Variants in RNF216 observed in about 807,000 individuals in gnomAD.
The protein encoded by RNF216 is ring finger protein 216.
A neutral mutation model predicts 110.8 loss-of-function variants in RNF216; 72 were observed. That is an observed-to-expected ratio of 0.65 (90% CI 0.54 to 0.79). RNF216 has a LOEUF of 0.79. RNF216 is among the 30% of genes least tolerant of loss of function. RNF216 has a pLI of 0.00. For missense variants in RNF216, 1,342 were observed against 1,141.2 expected (o/e 1.18, Z -2.54); for synonymous variants, 495 against 407.5 (o/e 1.21, Z -2.59).
chr7:5,759,100 A>G (rs899309454), intron 2 of RNF216, among the ~76,000 whole-genome samples: 2 of 152,104 alleles, frequency 1.3e-5, no homozygotes, highest in African/African-American at 4.8e-5. Flanking sequence ...CTGGTTGTTT[A>G]AAAGTGTGTG....
chr7:5,749,267 C>A (rs1400698560), intron 3 of RNF216, among the ~76,000 whole-genome samples: 1 of 151,572 alleles, frequency 6.6e-6, no homozygotes, highest in Admixed American at 6.6e-5. Context: ...TCTACTGCCT[C>A]AGCCTCCTGA....
rs1006700199 is a variant in RNF216, at chr7:5,680,629, C to T, written c.2062-28119G>A. Reference sequence around the variant, plus strand: ...ATGTTGGCCAGGATGGTCTCGATCTCCTGACCTTGTGATCTGCCCGACTCG... The same window carrying T: ...ATGTTGGCCAGGATGGTCTCGATCTTCTGACCTTGTGATCTGCCCGACTCG... On this transcript the variant is annotated intron_variant, in intron 13 of 16. Transcript: ENST00000389902. The surrounding 1 kb of genome is among the most constrained non-coding windows in gnomAD (Gnocchi z 4.3). Among the ~76,000 whole-genome samples, 7 of 152,064 alleles carry T rather than the reference C, an allele frequency of 4.6e-5. No individual in the cohort carries two copies. Among genetic ancestry groups the T allele is most frequent in the African/African-American group, 1.7e-4 (7 of 41,390 alleles).
At chr7:5,714,282 G>T (rs1792903956) in intron 11 of RNF216, among the ~76,000 whole-genome samples, 1 of 148,816 alleles carries the variant, frequency 6.7e-6, no homozygotes, top group Admixed American at 6.7e-5. Context: ...TTTAGAGATG[G>T]AGTTTCACTC....
intron 4 of RNF216, chr7:5,739,720 G>A (rs1158177723): frequency 9.1e-6 from 4 of 437,684 alleles, no homozygotes; most frequent in Non-Finnish European, 1.8e-5. Context: ...CACCTGGGTG[G>A]CCGGGTGCAG....
intron 14 of RNF216, among the ~76,000 whole-genome samples, chr7:5,645,556 T>C (rs957214309): frequency 5.3e-5 from 8 of 152,148 alleles, no homozygotes; most frequent in Admixed American, 3.3e-4. Context: ...TCAGCTATTG[T>C]AATTTTGGGG....
chr7:5,665,599 C>A (rs990270567), intron 13 of RNF216, among the ~76,000 whole-genome samples: 17 of 152,112 alleles, frequency 1.1e-4, no homozygotes, highest in African/African-American at 3.4e-4. Context: ...GAGACACCAG[C>A]TTGACTGCTC....
chr7:5,632,395 T>C (rs997578513), intron 15 of RNF216, among the ~76,000 whole-genome samples: 29 of 152,194 alleles, frequency 1.9e-4, no homozygotes, highest in African/African-American at 7.0e-4. Context: ...GTGAAAACTT[T>C]CAAATGAATT....
intron 6 of RNF216, 117 bp from the exon 7 acceptor site, chr7:5,729,713 A>G: frequency 1.1e-6 from 1 of 919,512 alleles, no homozygotes; most frequent in Non-Finnish European, 1.6e-6. Flanking sequence ...ATTACTCTAT[A>G]AGGAAGTTAC....
chr7:5,621,879 T>C lies in RNF216; in HGVS notation c.*981A>G, dbSNP rs1239810080. ...TGACTCCATGAGAAGGGAAGTGACC[T>C]TCACATGGGGGATACTGGACAGCAC... On this transcript the variant is annotated 3_prime_UTR_variant, in exon 17 of 17. Coordinates refer to ENST00000389902, the MANE Select transcript of RNF216 (RefSeq NM_207111.4). 1 of 152,034 alleles carries C rather than the reference T, an allele frequency of 6.6e-6. No individual in the cohort carries two copies. The highest frequency in any genetic ancestry group is 1.9e-4 in the East Asian group (1 of 5,172). 9.4% of individuals were successfully genotyped at this position (152,034 alleles called of 1,614,324 possible).
intron 13 of RNF216, among the ~76,000 whole-genome samples, chr7:5,697,890 T>C (rs1791725984): frequency 6.6e-6 from 1 of 152,042 alleles, no homozygotes; most frequent in East Asian, 1.9e-4. Context: ...AGCAGCGAAG[T>C]CTAACAGAGC....
At chr7:5,658,379 G>A (rs1488121246) in intron 13 of RNF216, among the ~76,000 whole-genome samples, 6 of 152,066 alleles carry the variant, frequency 3.9e-5, no homozygotes, top group Non-Finnish European at 7.4e-5. Context: ...ATTTTGGGCC[G>A]GGCACAGTGG....
At chr7:5,650,821 C>A (rs1267936865) in intron 14 of RNF216, among the ~76,000 whole-genome samples, 1 of 152,198 alleles carries the variant, frequency 6.6e-6, no homozygotes, top group African/African-American at 2.4e-5. Context: ...CAACCAAGGG[C>A]AAATCACATG....
chr7:5,669,989 C>T (rs1036740617), intron 13 of RNF216, among the ~76,000 whole-genome samples: 2 of 151,574 alleles, frequency 1.3e-5, no homozygotes, highest in East Asian at 3.9e-4. Flanking sequence ...TGCAGTGGCG[C>T]GATCTTGGCT....
chr7:5,718,182 A>G (rs1376345408), intron 9 of RNF216, among the ~76,000 whole-genome samples: 3 of 152,106 alleles, frequency 2.0e-5, no homozygotes, highest in Non-Finnish European at 4.4e-5. Flanking sequence ...GGAGTTTGAC[A>G]CCAGCCTGGT....
intron 13 of RNF216, among the ~76,000 whole-genome samples, chr7:5,706,711 T>G (rs1446369857): frequency 6.6e-6 from 1 of 152,228 alleles, no homozygotes; most frequent in Admixed American, 6.5e-5. Context: ...CCCAAAGGAT[T>G]TCAATTCCTT....
At chr7:5,638,938 T>C (rs1366793795) in intron 15 of RNF216, among the ~76,000 whole-genome samples, 1 of 152,116 alleles carries the variant, frequency 6.6e-6, no homozygotes, top group Admixed American at 6.6e-5. Flanking sequence ...AGCAAGCAGC[T>C]TTTTTCCCTA....
chr7:5,704,556 C>T (rs1394216947), intron 13 of RNF216, among the ~76,000 whole-genome samples: 1 of 152,232 alleles, frequency 6.6e-6, no homozygotes, highest in African/African-American at 2.4e-5. Context: ...CCCAAAAGAA[C>T]TGTGTCAATT....
intron 13 of RNF216, among the ~76,000 whole-genome samples, chr7:5,676,139 AG>A (rs1314449705): frequency 6.6e-6 from 1 of 151,558 alleles, no homozygotes; most frequent in Non-Finnish European, 1.5e-5. Flanking sequence ...CCTTCCAAGT[AG>A]CTGGGACTAC....
At chr7:5,686,004 T>C (rs1284062299) in intron 13 of RNF216, among the ~76,000 whole-genome samples, 2 of 151,720 alleles carry the variant, frequency 1.3e-5, no homozygotes, top group African/African-American at 2.4e-5. Flanking sequence ...GGACGGATCA[T>C]CTGAGGTGAG....
Sources: allele counts gnomAD v4.1 joint callset (sites outside exome capture counted in the v4.1 genomes callset), GRCh38; gene constraint gnomAD v4.1.1; non-coding constraint Gnocchi (gnomAD v3.1); transcripts MANE v1.5; gene names NCBI Gene and HGNC (gene_info 2026-07-23, HGNC 2026-07-21).